Variants in CEP112 observed in about 807,000 individuals in gnomAD.
The protein encoded by CEP112 is centrosomal protein 112.
A neutral mutation model predicts 153.0 loss-of-function variants in CEP112; 127 were observed. That is an observed-to-expected ratio of 0.83 (90% CI 0.72 to 0.96). The LOEUF (loss-of-function observed/expected upper bound fraction) is 0.96, where lower values mean the gene tolerates loss of function less well. Ranked by LOEUF, CEP112 falls within the 40% of genes least tolerant of loss-of-function variation. The pLI is 0.00. For missense variants in CEP112, 1,089 were observed against 1,101.2 expected (o/e 0.99, Z 0.16); for synonymous variants, 358 against 374.4 (o/e 0.96, Z 0.51).
At chr17:66,145,562 T>C (rs1163023994) in intron 4 of CEP112, among the ~76,000 whole-genome samples, 1 of 152,186 alleles carries the variant, frequency 6.6e-6, no homozygotes, top group African/African-American at 2.4e-5. Flanking sequence ...ATTCAGTTCT[T>C]ACAGCATAAT....
intron 21 of CEP112, among the ~76,000 whole-genome samples, chr17:65,841,491 T>C (rs2057515198): frequency 6.6e-6 from 1 of 151,922 alleles, no homozygotes; most frequent in Non-Finnish European, 1.5e-5. Flanking sequence ...TACCAGAGGC[T>C]GGGAAGGGTA....
intron 8 of CEP112, among the ~76,000 whole-genome samples, chr17:66,070,604 C>A (rs2067276811): frequency 6.6e-6 from 1 of 152,134 alleles, no homozygotes; most frequent in Non-Finnish European, 1.5e-5. Context: ...CTTCTATCCT[C>A]TCCAAACCAA....
At chr17:65,975,432 AATAT>A (rs1373315996) in intron 17 of CEP112, among the ~76,000 whole-genome samples, 2 of 152,206 alleles carry the variant, frequency 1.3e-5, no homozygotes, top group Non-Finnish European at 1.5e-5. Context: ...CACATATGTA[AATAT>A]ATAAACAACA....
chr17:65,643,849 AT>A (rs2045286675), intron 24 of CEP112, among the ~76,000 whole-genome samples: 2 of 152,174 alleles, frequency 1.3e-5, no homozygotes, highest in African/African-American at 4.8e-5. Flanking sequence ...TAAGCAGAAA[AT>A]TTGGCAAATA....
At chr17:65,985,861 T>C (rs2145189504) in intron 17 of CEP112, among the ~76,000 whole-genome samples, 1 of 151,646 alleles carries the variant, frequency 6.6e-6, no homozygotes, top group African/African-American at 2.4e-5. Flanking sequence ...TTTTTTTTTT[T>C]TAAGAAATCA....
At chr17:66,094,839 G>C (rs1311012436) in intron 8 of CEP112, among the ~76,000 whole-genome samples, 1 of 152,028 alleles carries the variant, frequency 6.6e-6, no homozygotes, top group African/African-American at 2.4e-5. Flanking sequence ...ATGGGCAAAG[G>C]ATCTGAATAG....
At chr17:65,824,745 A>T (rs766414210) in intron 21 of CEP112, among the ~76,000 whole-genome samples, 5 of 152,198 alleles carry the variant, frequency 3.3e-5, no homozygotes, top group Non-Finnish European at 5.9e-5. Context: ...GGGAGTGGGT[A>T]CAGCACAGAC....
intron 4 of CEP112, among the ~76,000 whole-genome samples, chr17:66,169,363 A>C (rs2072144831): frequency 6.8e-6 from 1 of 146,600 alleles, no homozygotes; most frequent in African/African-American, 2.6e-5. Context: ...AGCTCACTAC[A>C]TCCTCTGGCT....
chr17:65,921,769 G>A (rs948013423), intron 19 of CEP112, among the ~76,000 whole-genome samples: 2 of 151,900 alleles, frequency 1.3e-5, no homozygotes, highest in African/African-American at 2.4e-5. Flanking sequence ...AGAATTTATC[G>A]GTATCCCTTA....
At chr17:66,106,804 T>C (rs568198525) in intron 6 of CEP112, among the ~76,000 whole-genome samples, 1 of 152,020 alleles carries the variant, frequency 6.6e-6, no homozygotes, top group Admixed American at 6.6e-5. Context: ...AAGGCTAGTA[T>C]TACCCTGATA....
intron 18 of CEP112, among the ~76,000 whole-genome samples, chr17:65,950,699 C>CTATTATTATTATTAGTAGTGG: frequency 6.8e-6 from 1 of 147,184 alleles, no homozygotes; most frequent in Middle Eastern, 3.5e-3. Context: ...GGATACATTA[C>CTATTATTATTATTAGTAGTGG]TAGTAGTAGT....
chr17:66,009,189 T>TTGTGTGTGTGTGTGTG (rs34971943), intron 16 of CEP112, among the ~76,000 whole-genome samples: 164 of 146,936 alleles, frequency 1.1e-3, no homozygotes, highest in African/African-American at 3.9e-3. Flanking sequence ...TGTTATCCCT[T>TTGTGTGTGTGTGTGTG]TGTGTGTGTG....
chr17:65,853,248 C>A (rs1490052443), intron 20 of CEP112, among the ~76,000 whole-genome samples: 1 of 152,056 alleles, frequency 6.6e-6, no homozygotes, highest in African/African-American at 2.4e-5. Context: ...TCTGGTATTT[C>A]CTGACAGTCA....
intron 16 of CEP112, among the ~76,000 whole-genome samples, chr17:66,018,606 C>T (rs139143162): frequency 2.1e-3 from 322 of 152,266 alleles, no homozygotes; most frequent in African/African-American, 7.7e-3. Context: ...TAAAGGCACA[C>T]GTACTCTTAA....
At chr17:65,899,311 A>T (rs946761093) in intron 20 of CEP112, among the ~76,000 whole-genome samples, 1 of 152,152 alleles carries the variant, frequency 6.6e-6, no homozygotes. Context: ...GGTAAAATTT[A>T]ATGTGCACAT....
chr17:66,028,374 T>C lies in CEP112; in HGVS notation c.1535A>G (p.Asn512Ser), dbSNP rs371056851. ...TAACTGCTGTTTTAATTGACAGACA[T>C]TCTGCTCTAATTCTTCAATCATACT... Reference protein sequence around the residue: ...ASSMIEELEQNVCQLKQQLQE... With the variant: ...ASSMIEELEQSVCQLKQQLQE... The change falls in exon 15 of 27, where the codon AAT (asparagine) becomes AGT (serine). Residue 512 changes from asparagine to serine, a missense_variant. Asn to Ser is a conservative substitution (Grantham distance 46, BLOSUM62 1). Transcript: ENST00000535342. 1 of 1,599,916 alleles carries C rather than the reference T, an allele frequency of 6.3e-7. No individual in the cohort carries two copies. Among genetic ancestry groups the C allele is most frequent in the East Asian group, 2.3e-5 (1 of 44,238 alleles).
intron 20 of CEP112, among the ~76,000 whole-genome samples, 152 bp downstream of exon 20, chr17:65,901,999 TG>T (rs1568196541): frequency 1.5e-4 from 2 of 13,476 alleles, no homozygotes; most frequent in African/African-American, 2.9e-4. Context: ...GGGGGGGGGG[TG>T]GGGGGGAGAA....
rs1054391075 is a variant in CEP112, at chr17:65,644,197, G to A, written c.2698-3132C>T. On this transcript the variant is annotated intron_variant, in intron 24 of 26. Transcript: ENST00000535342. ...TGTTCTTCAGCTATGGTTGCGTTGG[G>A]GACCAGAAAGTGGCCATAGCTGGGG... 28 of 723,558 alleles carry A rather than the reference G, an allele frequency of 3.9e-5. No homozygotes were observed. The African/African-American group carries it at 4.2e-4, about 11-fold the overall frequency. 44.8% of individuals were successfully genotyped at this position (723,558 alleles called of 1,614,324 possible).
At chr17:66,097,194 A>G (rs765591704) in intron 6 of CEP112, among the ~76,000 whole-genome samples, 1 of 152,320 alleles carries the variant, frequency 6.6e-6, no homozygotes, top group South Asian at 2.1e-4. Context: ...CAAGGACACC[A>G]GACAATTTGT....
Sources: gnomAD v4.1 joint callset for allele counts (sites outside exome capture counted in the v4.1 genomes callset) on GRCh38, gnomAD v4.1.1 for gene constraint, MANE v1.5 for transcripts, NCBI Gene and HGNC (gene_info 2026-07-23, HGNC 2026-07-21) for gene names.